Variants in LARGE1 observed in about 807,000 individuals in gnomAD.
The protein encoded by LARGE1 is LARGE xylosyl- and glucuronyltransferase 1, also known as xylosyl- and glucuronyltransferase LARGE1.
LARGE1 carries 43 observed loss-of-function variants against 87.6 expected under a neutral mutation model. The observed-to-expected ratio is 0.49, with a 90% confidence interval of 0.38 to 0.63. LARGE1 has a LOEUF of 0.63. Ranked by LOEUF, LARGE1 falls within the 30% of genes least tolerant of loss-of-function variation. The probability of loss-of-function intolerance (pLI) is 0.00; values close to 1 mark genes in which losing one functional copy is unlikely to be tolerated. For synonymous variants in LARGE1, 434 were observed against 394.6 expected, an observed-to-expected ratio of 1.10 and a Z score of -1.18; for missense variants, 802 against 1,000.2, an observed-to-expected ratio of 0.80 and a Z score of 2.67.
intron 6 of LARGE1, among the ~76,000 whole-genome samples, chr22:33,501,930 C>T (rs752090968): frequency 1.8e-4 from 27 of 152,176 alleles, no homozygotes; most frequent in African/African-American, 4.6e-4. Context: ...TGATGGCTCA[C>T]GCTTGTAATC....
At chr22:33,404,782 C>A (rs949436664) in intron 7 of LARGE1, among the ~76,000 whole-genome samples, 1 of 152,146 alleles carries the variant, frequency 6.6e-6, no homozygotes, top group Non-Finnish European at 1.5e-5. Flanking sequence ...ATTCAATAAC[C>A]CCCAAGTAAG....
chr22:33,644,029 A>T (rs1422280938), intron 3 of LARGE1, among the ~76,000 whole-genome samples: 1 of 152,140 alleles, frequency 6.6e-6, no homozygotes, highest in Non-Finnish European at 1.5e-5. Context: ...TCCAAAAATA[A>T]AAAAAGAGGG....
intron 2 of LARGE1, among the ~76,000 whole-genome samples, chr22:33,692,464 T>C (rs1279130733): frequency 6.6e-6 from 1 of 152,170 alleles, no homozygotes; most frequent in Non-Finnish European, 1.5e-5. Flanking sequence ...GCACCCGTCA[T>C]CACAAATGGC....
At chr22:33,496,402 T>C (rs2070120616) in intron 6 of LARGE1, among the ~76,000 whole-genome samples, 1 of 151,998 alleles carries the variant, frequency 6.6e-6, no homozygotes. Flanking sequence ...GAGGGCGAAG[T>C]CCTCATTAGT....
intron 5 of LARGE1, among the ~76,000 whole-genome samples, chr22:33,602,521 T>G (rs1459327535): frequency 6.6e-6 from 1 of 151,632 alleles, no homozygotes; most frequent in Non-Finnish European, 1.5e-5. Flanking sequence ...GGACTACAGG[T>G]GCAGTCACCA....
intron 9 of LARGE1, 78 bp from the exon 10 acceptor site, chr22:33,337,879 T>G: frequency 6.9e-7 from 1 of 1,448,572 alleles, no homozygotes; most frequent in Non-Finnish European, 9.7e-7. Flanking sequence ...AAGCCATGGC[T>G]CAGCACTGGG....
intron 1 of LARGE1, among the ~76,000 whole-genome samples, chr22:33,811,321 A>C (rs1308073136): frequency 6.6e-6 from 1 of 152,212 alleles, no homozygotes; most frequent in Admixed American, 6.5e-5. Context: ...TTAATAAAAC[A>C]TAATTTAGCA....
rs373649096 is a variant in LARGE1 at position 33,796,422 on chromosome 22, C to G, written c.-82-34864G>C. 3.2e-4 allele frequency among the ~76,000 whole-genome samples: 49 copies of G among 152,268 alleles called. 1 individual carries two copies. The East Asian group carries it at 4.8e-3, about 15-fold the overall frequency. ...CGCCGACTTCTGACTGGGAGGACAC[C>G]AGGCAAAGCCACTAGCGAAATGAAC... On this transcript the variant is annotated intron_variant, in intron 1 of 14. Coordinates refer to ENST00000397394, the MANE Select transcript of LARGE1 (RefSeq NM_133642.5).
intron 1 of LARGE1, among the ~76,000 whole-genome samples, chr22:33,788,675 C>T (rs980998995): frequency 2.6e-5 from 4 of 152,164 alleles, no homozygotes; most frequent in Non-Finnish European, 4.4e-5. Context: ...GTGACTCTTG[C>T]TAGGTTTTAG....
intron 11 of LARGE1, among the ~76,000 whole-genome samples, chr22:33,247,199 A>T (rs1051385856): frequency 1.3e-5 from 2 of 152,072 alleles, no homozygotes; most frequent in East Asian, 1.9e-4. Flanking sequence ...GTTCTTTTTT[A>T]AAAAAAGTGA....
At chr22:33,281,491 C>T (rs1374744637) in intron 13 of LARGE1, among the ~76,000 whole-genome samples, 3 of 152,122 alleles carry the variant, frequency 2.0e-5, no homozygotes, top group Non-Finnish European at 2.9e-5. Context: ...CTGCTATTTA[C>T]TGGCTGTGTG....
chr22:33,718,021 G>T (rs1164777865), intron 2 of LARGE1, among the ~76,000 whole-genome samples: 1 of 152,182 alleles, frequency 6.6e-6, no homozygotes, highest in East Asian at 1.9e-4. Context: ...TACTTTGTGA[G>T]ATACGCCATT....
chr22:33,557,765 C>T (rs1469168074), intron 6 of LARGE1, among the ~76,000 whole-genome samples: 1 of 152,106 alleles, frequency 6.6e-6, no homozygotes, highest in African/African-American at 2.4e-5. Context: ...TGGGGTTTCG[C>T]CATGTTTGCC....
rs568399288 is a variant in LARGE1 at position 33,163,429 on chromosome 22, T to C, written c.*3334A>G. The stretch of plus-strand genomic sequence containing the variant: ...TCAATACTCCAGAATGAAGTGAAGG[T>C]CTTTGGCTCCAAAATAATTGAAAGC... On this transcript the variant is annotated 3_prime_UTR_variant, in exon 12 of 12. Transcript: ENST00000608642. 3 of 152,316 alleles carry C rather than the reference T, an allele frequency of 2.0e-5. No individual in the cohort carries two copies. The East Asian group carries it at 5.8e-4, about 29-fold the overall frequency. 9.4% of individuals were successfully genotyped at this position (152,316 alleles called of 1,614,324 possible). A position where few individuals can be genotyped will look rare whatever the true frequency, so the allele number is the denominator to read the frequency against.
At chr22:33,831,209 G>T (rs1482125852) in intron 1 of LARGE1, among the ~76,000 whole-genome samples, 1 of 150,674 alleles carries the variant, frequency 6.6e-6, no homozygotes, top group Non-Finnish European at 1.5e-5. Flanking sequence ...GCCTCCCAAA[G>T]TGCTGGGATT....
At chr22:33,664,672 C>T (rs1569354090) in intron 2 of LARGE1, among the ~76,000 whole-genome samples, 1 of 152,164 alleles carries the variant, frequency 6.6e-6, no homozygotes, top group Non-Finnish European at 1.5e-5. Flanking sequence ...CAAGACCATC[C>T]TGGCCAACAT....
At chr22:33,541,673 G>A (rs376315410) in intron 6 of LARGE1, among the ~76,000 whole-genome samples, 77 of 150,920 alleles carry the variant, frequency 5.1e-4, no homozygotes, top group African/African-American at 1.7e-3. Context: ...GTCTTTTTGT[G>A]CTGACTGCCC....
At chr22:33,487,562 A>T (rs1314771036) in intron 6 of LARGE1, among the ~76,000 whole-genome samples, 1 of 152,176 alleles carries the variant, frequency 6.6e-6, no homozygotes, top group Non-Finnish European at 1.5e-5. Flanking sequence ...CTGGGTAATC[A>T]GAGAAAGTGC....
At chr22:33,203,097 C>CTGTGTG (rs1445298938) in intron 11 of LARGE1, among the ~76,000 whole-genome samples, 1 of 132,936 alleles carries the variant, frequency 7.5e-6, no homozygotes, top group Non-Finnish European at 1.6e-5. Context: ...CTCTCTCTCT[C>CTGTGTG]TCTCTGTGTG....
Sources: gnomAD v4.1 joint callset for allele counts (sites outside exome capture counted in the v4.1 genomes callset) on GRCh38, gnomAD v4.1.1 for gene constraint, MANE v1.5 for transcripts, NCBI Gene and HGNC (gene_info 2026-07-23, HGNC 2026-07-21) for gene names.